Variants in NOSTRIN observed in about 807,000 individuals in gnomAD.
NOSTRIN encodes the protein nitric oxide synthase trafficking, also known as BM247 homolog.
A neutral mutation model predicts 59.0 loss-of-function variants in NOSTRIN; 63 were observed. That is an observed-to-expected ratio of 1.07 (90% CI 0.87 to 1.32). The LOEUF (loss-of-function observed/expected upper bound fraction) is 1.32. Among genes scored for constraint, NOSTRIN ranks in the 40% most tolerant of loss-of-function variants. NOSTRIN has a pLI of 0.00. For synonymous variants in NOSTRIN, 200 were observed against 165.4 expected (o/e 1.21, Z -1.61); for missense variants, 512 against 473.1 (o/e 1.08, Z -0.76).
intron 6 of NOSTRIN, among the ~76,000 whole-genome samples, chr2:168,831,940 T>C (rs1687385488): frequency 6.6e-6 from 1 of 152,202 alleles, no homozygotes; most frequent in South Asian, 2.1e-4. Flanking sequence ...CTGCTCTTAA[T>C]CATTCCATTA....
intron 13 of NOSTRIN, among the ~76,000 whole-genome samples, 184 bp from the exon 14 acceptor site, chr2:168,860,611 T>C (rs1022709594): frequency 2.6e-5 from 4 of 150,944 alleles, no homozygotes; most frequent in African/African-American, 9.7e-5. Context: ...GTGGAGGTTG[T>C]AGTGGGCCAA....
In NOSTRIN at chr2:168,829,092, C is replaced by T. The variant is rs149926882; in HGVS notation, c.342+591C>T. The stretch of plus-strand genomic sequence containing the variant: ...ACAATTTTTACAAAGATGCTTTCTA[C>T]GCTTATTAGCTTGGTATTATGTAAA... On this transcript the variant is annotated intron_variant, in intron 5 of 15. Coordinates refer to ENST00000317647, the MANE Select transcript of NOSTRIN (RefSeq NM_001039724.4). Among the ~76,000 whole-genome samples, 402 of 152,120 alleles carry T rather than the reference C, an allele frequency of 2.6e-3. 3 individuals are homozygous for T. The highest frequency in any genetic ancestry group is 8.7e-3 in the African/African-American group (363 of 41,504).
At chr2:168,841,884 T>C (rs941084409) in intron 7 of NOSTRIN, among the ~76,000 whole-genome samples, 1 of 152,238 alleles carries the variant, frequency 6.6e-6, no homozygotes, top group Non-Finnish European at 1.5e-5. Flanking sequence ...GACATCCATG[T>C]ACAAATATTA....
At chr2:168,808,688 T>G (rs904721220) in intron 1 of NOSTRIN, among the ~76,000 whole-genome samples, 2 of 152,182 alleles carry the variant, frequency 1.3e-5, no homozygotes, top group Non-Finnish European at 2.9e-5. Context: ...TCATAAAATT[T>G]TATTGAACAT....
chr2:168,847,239 C>T (rs1194070176), intron 8 of NOSTRIN, among the ~76,000 whole-genome samples: 2 of 152,140 alleles, frequency 1.3e-5, no homozygotes, highest in Non-Finnish European at 2.9e-5. Flanking sequence ...TACATATACA[C>T]ATACCTAGAC....
chr2:168,855,787 C>T, intron 11 of NOSTRIN: 1 of 424,002 alleles, frequency 2.4e-6, no homozygotes, highest in South Asian at 1.9e-5. Flanking sequence ...AAAACATGGT[C>T]AACCAACTGT....
Position 168,865,000 on chromosome 2 carries a change from C to T in NOSTRIN, c.*30C>T. ...AGACTCTGAACATACTACCTTCACACTCGGTAATCAACAATACAGTGTGGT... is the reference window on the plus strand; with the variant it reads ...AGACTCTGAACATACTACCTTCACATTCGGTAATCAACAATACAGTGTGGT... On this transcript the variant is annotated 3_prime_UTR_variant, in exon 16 of 16. Coordinates refer to ENST00000317647, the MANE Select transcript of NOSTRIN (RefSeq NM_001039724.4). 1.2e-6 allele frequency: 2 copies of T among 1,611,430 alleles called. No individual in the cohort carries two copies. Among genetic ancestry groups the T allele is most frequent in the East Asian group, 2.2e-5 (1 of 44,846 alleles).
At chr2:168,829,966 C>T (rs1687276660) in intron 5 of NOSTRIN, among the ~76,000 whole-genome samples, 1 of 152,092 alleles carries the variant, frequency 6.6e-6, no homozygotes, top group Non-Finnish European at 1.5e-5. Flanking sequence ...TATTCAAACT[C>T]ATTAAGCTGG....
intron 13 of NOSTRIN, among the ~76,000 whole-genome samples, chr2:168,860,555 C>G (rs551997324): frequency 6.6e-6 from 1 of 152,108 alleles, no homozygotes; most frequent in Admixed American, 6.5e-5. Flanking sequence ...CCTGTAATCC[C>G]AGCTACGGGG....
rs150727232 is a variant in NOSTRIN, at chr2:168,816,588, T to C, written c.113+4936T>C. ...TCATCACCTTCATTGCCTGGCTCCA[T>C]TCAACACATTCTTTAAGATCCAGTC... is the stretch of plus-strand genomic sequence containing the variant. On this transcript the variant is annotated intron_variant, in intron 2 of 15. Transcript: ENST00000317647. 3.3e-5 allele frequency among the ~76,000 whole-genome samples: 5 copies of C among 152,330 alleles called. No homozygotes were observed. In the East Asian group the frequency reaches 9.6e-4, roughly 29 times the overall value.
At chr2:168,833,384 G>A (rs1414979473) in intron 6 of NOSTRIN, among the ~76,000 whole-genome samples, 1 of 152,196 alleles carries the variant, frequency 6.6e-6, no homozygotes, top group Non-Finnish European at 1.5e-5. Flanking sequence ...AGAAGGCTTT[G>A]CCTTTGATTC....
intron 8 of NOSTRIN, among the ~76,000 whole-genome samples, chr2:168,845,599 A>G (rs1688366447): frequency 6.6e-6 from 1 of 152,088 alleles, no homozygotes; most frequent in Non-Finnish European, 1.5e-5. Context: ...AAGATCCTCT[A>G]CATGTTTCCC....
intron 1 of NOSTRIN, among the ~76,000 whole-genome samples, chr2:168,809,566 C>T (rs1042040559): frequency 6.6e-6 from 1 of 151,950 alleles, no homozygotes; most frequent in African/African-American, 2.4e-5. Context: ...GTTTAGGTAA[C>T]ATAGGAGTAA....
At chr2:168,834,506 C>CAA (rs1401818072) in intron 7 of NOSTRIN, among the ~76,000 whole-genome samples, 181 bp downstream of exon 7, 1 of 122,332 alleles carries the variant, frequency 8.2e-6, no homozygotes, top group Non-Finnish European at 1.8e-5. Context: ...CGCGCGCGCG[C>CAA]GCACACACAC....
chr2:168,817,969 T>C (rs564476492), intron 2 of NOSTRIN, among the ~76,000 whole-genome samples: 1 of 152,250 alleles, frequency 6.6e-6, no homozygotes, highest in South Asian at 2.1e-4. Context: ...GAAGTTTGGA[T>C]AGAAAATATC....
rs1342475790 is a variant in NOSTRIN at position 168,864,842 on chromosome 2, G to A, written c.1393G>A (p.Val465Met). Reference protein sequence around the residue: ...DELNLEKGDIVIIHEKKEGGW... With the variant: ...DELNLEKGDIMIIHEKKEGGW... ...TAACTGTATTTTCACAGGTGACATT[G>A]TGATTATACACGAGAAAAAAGAAGG... Residue 465 changes from valine (V) to methionine (M), a missense_variant, in exon 16 of 16, where the codon GTG becomes ATG. Val to Met is a conservative substitution (Grantham distance 21). Transcript: ENST00000317647. The A allele has an allele frequency of 6.2e-7, 1 of 1,613,738 alleles. No individual in the cohort carries two copies. The highest frequency in any genetic ancestry group is 1.7e-5 in the Admixed American group (1 of 59,998).
chr2:168,788,658 G>A (rs774163807), intron 2 of NOSTRIN, among the ~76,000 whole-genome samples: 7 of 152,116 alleles, frequency 4.6e-5, no homozygotes, highest in African/African-American at 7.2e-5. Context: ...CATAGGGGAG[G>A]ATTGATCAAA....
At chr2:168,790,977 T>C (rs1319044784) in intron 2 of NOSTRIN, among the ~76,000 whole-genome samples, 2 of 152,110 alleles carry the variant, frequency 1.3e-5, no homozygotes, top group African/African-American at 4.8e-5. Context: ...AATCAATATA[T>C]TTGTTTTCTT....
Position 168,818,180 on chromosome 2 carries a change from T to G in NOSTRIN, c.114-6454T>G, listed in dbSNP as rs76606586. 7.6e-3 allele frequency: 2,721 copies of G among 356,102 alleles called. 61 individuals are homozygous for G. The highest frequency in any genetic ancestry group is 0.075 in the East Asian group (868 of 11,616). The allele number at this position is 356,102 out of a possible 1,614,324, so 22.1% of individuals were successfully genotyped here. ...TATTTTATGTTTTTTAGAGATGGGG[T>G]TCTCATTCTGCTGCTCAGGCTGGAG... On this transcript the variant is annotated intron_variant, in intron 2 of 15. Transcript: ENST00000317647.
Sources: allele counts gnomAD v4.1 joint callset (sites outside exome capture counted in the v4.1 genomes callset), GRCh38; gene constraint gnomAD v4.1.1; transcripts MANE v1.5; gene names NCBI Gene and HGNC (gene_info 2026-07-23, HGNC 2026-07-21).